LRP1B: variants seen among roughly 807,000 people sequenced by gnomAD.
LRP1B encodes the protein low-density lipoprotein receptor-related protein 1B.
Under a neutral mutation model 556.6 loss-of-function variants are expected in LRP1B, and 217 were observed. The observed-to-expected ratio is 0.39, with a 90% CI of 0.35 to 0.44. The LOEUF (loss-of-function observed/expected upper bound fraction) is 0.44, where lower values mean the gene tolerates loss of function less well. LRP1B is among the 20% of genes least tolerant of loss of function. The probability of loss-of-function intolerance (pLI) is 1.00; values close to 1 mark genes in which losing one functional copy is unlikely to be tolerated. For missense variants in LRP1B, 5,053 were observed against 5,620.8 expected, an observed-to-expected ratio of 0.90 and a Z score of 3.23; for synonymous variants, 2,047 against 1,865.8, an observed-to-expected ratio of 1.10 and a Z score of -2.50.
At chr2:140,761,128 C>T (rs1389259787) in intron 35 of LRP1B, among the ~76,000 whole-genome samples, 1 of 152,152 alleles carries the variant, frequency 6.6e-6, no homozygotes, top group Admixed American at 6.6e-5. Flanking sequence ...TAAAGGACTT[C>T]TCCAGTCAGC....
chr2:140,506,740 GT>G, intron 53 of LRP1B, 55 bp downstream of exon 53: 1 of 1,562,274 alleles, frequency 6.4e-7, no homozygotes, highest in Non-Finnish European at 8.7e-7. Context: ...TTACATACTA[GT>G]TTTGAAAGAC....
chr2:141,320,205 A>T (rs1687185967), intron 3 of LRP1B, among the ~76,000 whole-genome samples: 1 of 152,110 alleles, frequency 6.6e-6, no homozygotes, highest in African/African-American at 2.4e-5. Context: ...TAGCCACAAT[A>T]GTGTCTACTC....
At chr2:140,370,914 C>T (rs950557639) in intron 70 of LRP1B, 72 bp from the exon 71 acceptor site, 11 of 1,504,296 alleles carry the variant, frequency 7.3e-6, no homozygotes, top group African/African-American at 6.9e-5. Context: ...AATAAACATG[C>T]AGCTTGTAAT....
intron 2 of LRP1B, among the ~76,000 whole-genome samples, chr2:141,577,358 G>A (rs1686789802): frequency 6.6e-6 from 1 of 152,170 alleles, no homozygotes; most frequent in Admixed American, 6.5e-5. Context: ...AATCAAGGGT[G>A]ATTTCTGTAT....
intron 2 of LRP1B, among the ~76,000 whole-genome samples, chr2:141,522,161 A>T (rs1684549487): frequency 6.6e-6 from 1 of 152,142 alleles, no homozygotes; most frequent in African/African-American, 2.4e-5. Flanking sequence ...CCCATCCCAG[A>T]TCCACTGAAC....
At chr2:142,068,163 G>A (rs1395784597) in intron 1 of LRP1B, among the ~76,000 whole-genome samples, 1 of 151,404 alleles carries the variant, frequency 6.6e-6, no homozygotes, top group African/African-American at 2.4e-5. Flanking sequence ...CCAAAATTTG[G>A]TCCCCATGTA....
chr2:141,235,119 C>T (rs10174827), intron 5 of LRP1B, among the ~76,000 whole-genome samples: 19,301 of 151,742 alleles, frequency 0.13, 1,278 homozygotes, highest in South Asian at 0.21. Context: ...ATTAGGAAAA[C>T]GAAAAGGCAT....
intron 1 of LRP1B, among the ~76,000 whole-genome samples, chr2:142,066,874 A>T (rs1705128319): frequency 6.6e-6 from 1 of 151,550 alleles, no homozygotes; most frequent in African/African-American, 2.4e-5. Flanking sequence ...TCAGTGGTTT[A>T]AAACAACACA....
chr2:142,088,546 C>T (rs1317501488), intron 1 of LRP1B, among the ~76,000 whole-genome samples: 2 of 152,218 alleles, frequency 1.3e-5, no homozygotes, highest in East Asian at 3.9e-4. Context: ...TAATATTCTT[C>T]CATATCAGGA....
intron 2 of LRP1B, among the ~76,000 whole-genome samples, chr2:141,571,412 C>T (rs1360135170): frequency 7.2e-6 from 1 of 139,826 alleles, no homozygotes; most frequent in Admixed American, 7.0e-5. Flanking sequence ...ACGAAAACCT[C>T]ATCCAAGGGT....
chr2:141,015,563 C>A (rs1697877541), intron 13 of LRP1B, 133 bp downstream of exon 13: 2 of 704,648 alleles, frequency 2.8e-6, no homozygotes, highest in Non-Finnish European at 4.7e-6. Flanking sequence ...CCTGCTTCAG[C>A]CACCCCATGG....
At chr2:141,154,187 A>C (rs979083083) in intron 7 of LRP1B, among the ~76,000 whole-genome samples, 2 of 151,886 alleles carry the variant, frequency 1.3e-5, no homozygotes, top group East Asian at 3.9e-4. Flanking sequence ...AATGAAGTTG[A>C]ATGTGTTTCT....
At chr2:141,250,769 T>C (rs1684232958) in intron 4 of LRP1B, among the ~76,000 whole-genome samples, 1 of 152,112 alleles carries the variant, frequency 6.6e-6, no homozygotes, top group African/African-American at 2.4e-5. Context: ...ATGTCAGAAT[T>C]GGGTTGAATT....
intron 27 of LRP1B, among the ~76,000 whole-genome samples, chr2:140,852,561 C>T (rs530674455): frequency 6.6e-6 from 1 of 152,248 alleles, no homozygotes; most frequent in Admixed American, 6.5e-5. Context: ...TATACCTTTC[C>T]TTCAAACACG....
At chr2:140,867,902 T>C in intron 26 of LRP1B, 68 bp from the exon 27 acceptor site, 8 of 1,428,190 alleles carry the variant, frequency 5.6e-6, no homozygotes, top group East Asian at 4.7e-5. Context: ...CATAATCATG[T>C]AACTCAGCTA....
intron 2 of LRP1B, among the ~76,000 whole-genome samples, chr2:141,673,642 G>A (rs1330280295): frequency 6.6e-6 from 1 of 151,984 alleles, no homozygotes; most frequent in African/African-American, 2.4e-5. Flanking sequence ...ACAATTTGGG[G>A]CCATATTATT....
At chr2:141,369,426 A>C (rs764224722) in intron 3 of LRP1B, among the ~76,000 whole-genome samples, 4 of 152,146 alleles carry the variant, frequency 2.6e-5, no homozygotes, top group Admixed American at 6.6e-5. Flanking sequence ...TTTCAGAAAC[A>C]ATGAATTCAA....
At chr2:141,143,076 G>C (rs1181479229) in intron 7 of LRP1B, among the ~76,000 whole-genome samples, 1 of 151,852 alleles carries the variant, frequency 6.6e-6, no homozygotes, top group South Asian at 2.1e-4. Context: ...TTACAGGCGC[G>C]TGCTACCACG....
intron 2 of LRP1B, among the ~76,000 whole-genome samples, chr2:141,607,748 C>A (rs937493823): frequency 1.3e-5 from 2 of 151,778 alleles, no homozygotes; most frequent in East Asian, 1.9e-4. Context: ...CATAGTGAGA[C>A]CTCATCCGTA....
Sources: allele counts gnomAD v4.1 joint callset (sites outside exome capture counted in the v4.1 genomes callset), GRCh38; gene constraint gnomAD v4.1.1; transcripts MANE v1.5; gene names NCBI Gene and HGNC (gene_info 2026-07-23, HGNC 2026-07-21).